Variants in TMEM132D observed in about 807,000 individuals in gnomAD.
The protein encoded by TMEM132D is transmembrane protein 132D.
A neutral mutation model predicts 62.3 loss-of-function variants in TMEM132D; 21 were observed. The observed-to-expected ratio is 0.34, with a 90% CI of 0.24 to 0.49. TMEM132D has a LOEUF of 0.49. TMEM132D is among the 20% of genes least tolerant of loss of function. The pLI, the probability that TMEM132D is intolerant of heterozygous loss-of-function variation, is 0.99. For missense variants in TMEM132D, 1,346 were observed against 1,402.8 expected (o/e 0.96, Z 0.65); for synonymous variants, 621 against 575.6 (o/e 1.08, Z -1.13).
At chr12:129,136,777 T>TCATCAC (rs1876578340) in intron 5 of TMEM132D, among the ~76,000 whole-genome samples, 1 of 93,324 alleles carries the variant, frequency 1.1e-5, no homozygotes, top group Non-Finnish European at 2.3e-5. Context: ...ATCATCACCA[T>TCATCAC]CACCATCATC....
At chr12:129,882,129 C>A (rs78248561) in intron 1 of TMEM132D, among the ~76,000 whole-genome samples, 5,813 of 151,892 alleles carry the variant, frequency 0.038, 350 homozygotes, top group African/African-American at 0.13. Context: ...ATTGAACTTA[C>A]AATTTAATAG....
intron 5 of TMEM132D, among the ~76,000 whole-genome samples, chr12:129,189,373 C>T (rs1042672048): frequency 6.6e-6 from 1 of 152,140 alleles, no homozygotes; most frequent in Non-Finnish European, 1.5e-5. Flanking sequence ...TTCAAGTTTC[C>T]AATCCCTGGG....
intron 1 of TMEM132D, among the ~76,000 whole-genome samples, chr12:129,763,955 T>C (rs1422037617): frequency 6.6e-6 from 1 of 152,226 alleles, no homozygotes; most frequent in Non-Finnish European, 1.5e-5. Flanking sequence ...CAGAGCCTCT[T>C]GGCATGATTT....
chr12:129,574,017 C>T (rs760829225), intron 2 of TMEM132D, among the ~76,000 whole-genome samples: 9 of 151,872 alleles, frequency 5.9e-5, no homozygotes, highest in Non-Finnish European at 1.3e-4. Context: ...TCAATCAGAG[C>T]TTGCATGTGT....
At chr12:129,667,338 T>C (rs1880401222) in intron 2 of TMEM132D, among the ~76,000 whole-genome samples, 1 of 152,190 alleles carries the variant, frequency 6.6e-6, no homozygotes, top group Admixed American at 6.5e-5. Flanking sequence ...TTTTCTATAA[T>C]GTTAAAAGAT....
intron 4 of TMEM132D, among the ~76,000 whole-genome samples, chr12:129,266,077 T>C (rs1390944189): frequency 6.6e-6 from 1 of 151,910 alleles, no homozygotes; most frequent in Non-Finnish European, 1.5e-5. Flanking sequence ...TCTTGGCTCC[T>C]CTATGTAGAC....
intron 1 of TMEM132D, among the ~76,000 whole-genome samples, chr12:129,701,207 A>T (rs780340630): frequency 3.3e-5 from 5 of 152,206 alleles, no homozygotes; most frequent in Non-Finnish European, 7.3e-5. Flanking sequence ...TGTTCCACTC[A>T]TATGCACGTT....
rs1872681950 is a variant in TMEM132D, at chr12:129,432,279, ATGGATGGATGCT to A, written c.1116-94474_1116-94463del. ...GATGGATGGAAGGATGGATGGATCA[ATGGATGGATGCT>A]TGGATGGATGGATGGATGGATGGAT... On this transcript the variant is annotated intron_variant, in intron 3 of 8. Coordinates refer to ENST00000422113, the MANE Select transcript of TMEM132D (RefSeq NM_133448.3). Among the ~76,000 whole-genome samples, 3 of 34,560 alleles carry A rather than the reference ATGGATGGATGCT, an allele frequency of 8.7e-5. No individual in the cohort carries two copies. In the South Asian group the frequency reaches 2.5e-3, roughly 28 times the overall value. 22.7% of individuals were successfully genotyped at this position (34,560 alleles called of 152,430 possible).
At chr12:129,271,346 C>A (rs1880848691) in intron 4 of TMEM132D, among the ~76,000 whole-genome samples, 1 of 151,758 alleles carries the variant, frequency 6.6e-6, no homozygotes, top group South Asian at 2.1e-4. Flanking sequence ...AAATCTTAGA[C>A]CTCTCCTATA....
chr12:129,402,331 G>A (rs890564184), intron 3 of TMEM132D, among the ~76,000 whole-genome samples: 1 of 152,156 alleles, frequency 6.6e-6, no homozygotes, highest in South Asian at 2.1e-4. Context: ...AGCCTGTACA[G>A]CTCTCACTCG....
chr12:129,895,423 A>C lies in TMEM132D; in HGVS notation c.79+7838T>G, dbSNP rs547478997. Among the ~76,000 whole-genome samples the C allele has an allele frequency of 2.0e-5, 3 of 152,300 alleles. No individual in the cohort carries two copies. In the East Asian group the frequency reaches 5.8e-4, roughly 29 times the overall value. On this transcript the variant is annotated intron_variant, in intron 1 of 8. Coordinates refer to ENST00000422113, the MANE Select transcript of TMEM132D (RefSeq NM_133448.3). Reference sequence around the variant, plus strand: ...TTGAGAGGTTCGGAGTGACCACAACAACCAGGAGGGCTTTGTGATTGGTAC... The same window carrying C: ...TTGAGAGGTTCGGAGTGACCACAACCACCAGGAGGGCTTTGTGATTGGTAC...
At chr12:129,757,840 T>G (rs1870220331) in intron 1 of TMEM132D, among the ~76,000 whole-genome samples, 1 of 152,224 alleles carries the variant, frequency 6.6e-6, no homozygotes, top group Non-Finnish European at 1.5e-5. Context: ...ACCCAGAACC[T>G]TGCTGACCTG....
chr12:129,608,782 C>T (rs1475535247), intron 2 of TMEM132D, among the ~76,000 whole-genome samples: 1 of 152,114 alleles, frequency 6.6e-6, no homozygotes, highest in African/African-American at 2.4e-5. Flanking sequence ...AACAAACCTC[C>T]TCCTGATTTG....
chr12:129,231,192 C>T (rs369682124), intron 4 of TMEM132D, among the ~76,000 whole-genome samples: 25 of 152,230 alleles, frequency 1.6e-4, no homozygotes, highest in African/African-American at 5.3e-4. Flanking sequence ...CTCATGCAAG[C>T]GCTTCCTGGC....
chr12:129,477,655 C>T (rs1011311004), intron 3 of TMEM132D, among the ~76,000 whole-genome samples: 2 of 151,830 alleles, frequency 1.3e-5, no homozygotes, highest in African/African-American at 4.8e-5. Flanking sequence ...CCCGTCTCTA[C>T]TAAAAATACA....
chr12:129,838,921 A>T (rs1200117948), intron 1 of TMEM132D, among the ~76,000 whole-genome samples: 3 of 151,476 alleles, frequency 2.0e-5, no homozygotes, highest in Non-Finnish European at 4.4e-5. Flanking sequence ...TTTGGAGGTC[A>T]GTTAAGAATA....
At chr12:129,169,026 T>C (rs987018612) in intron 5 of TMEM132D, among the ~76,000 whole-genome samples, 2 of 152,168 alleles carry the variant, frequency 1.3e-5, no homozygotes, top group African/African-American at 2.4e-5. Flanking sequence ...CAAATATACC[T>C]TTGCTGAAAT....
chr12:129,360,440 A>G lies in TMEM132D; in HGVS notation c.1116-22623T>C, dbSNP rs144518277. Among the ~76,000 whole-genome samples, 810 of 152,294 alleles carry G rather than the reference A, an allele frequency of 5.3e-3. 7 individuals are homozygous for G. Among genetic ancestry groups the G allele is most frequent in the African/African-American group, 0.018 (766 of 41,544 alleles). On this transcript the variant is annotated intron_variant, in intron 3 of 8. Transcript: ENST00000422113. ...CATGTAAAGACCCGAAGGTGGGTTC[A>G]ATGAGGATGGAAAGCACCAGGTGGG...
chr12:129,175,685 G>A (rs906578969), intron 5 of TMEM132D, among the ~76,000 whole-genome samples: 3 of 152,114 alleles, frequency 2.0e-5, no homozygotes, highest in African/African-American at 7.2e-5. Flanking sequence ...TCCAGCCTGG[G>A]CAAAAACAGT....
Sources: gnomAD v4.1 joint callset for allele counts (sites outside exome capture counted in the v4.1 genomes callset) on GRCh38, gnomAD v4.1.1 for gene constraint, MANE v1.5 for transcripts, NCBI Gene and HGNC (gene_info 2026-07-23, HGNC 2026-07-21) for gene names.